AGBL1: variants seen among roughly 807,000 people sequenced by gnomAD.
AGBL1 encodes AGBL carboxypeptidase 1.
AGBL1 carries 130 observed loss-of-function variants against 118.9 expected under a neutral mutation model. The observed-to-expected ratio is 1.09, with a 90% CI of 0.95 to 1.26. AGBL1 has a LOEUF of 1.26. Ranked by LOEUF, AGBL1 falls within the 50% of genes most tolerant of loss-of-function variation. The pLI is 0.00. For synonymous variants in AGBL1, 555 were observed against 478.9 expected, an observed-to-expected ratio of 1.16 and a Z score of -2.08; for missense variants, 1,584 against 1,298.1, an observed-to-expected ratio of 1.22 and a Z score of -3.38.
chr15:86,486,192 C>T (rs2082710679), intron 18 of AGBL1, among the ~76,000 whole-genome samples: 1 of 152,052 alleles, frequency 6.6e-6, no homozygotes, highest in Non-Finnish European at 1.5e-5. Flanking sequence ...CAATGTTTGG[C>T]ACATGACAAA....
At chr15:86,354,961 G>A (rs2080689710) in intron 17 of AGBL1, among the ~76,000 whole-genome samples, 1 of 152,208 alleles carries the variant, frequency 6.6e-6, no homozygotes, top group African/African-American at 2.4e-5. Context: ...GGACTTTGAA[G>A]ATGGAGGCAG....
At chr15:86,846,779 G>A (rs1254758421) in intron 22 of AGBL1, among the ~76,000 whole-genome samples, 5 of 152,234 alleles carry the variant, frequency 3.3e-5, no homozygotes, top group East Asian at 1.9e-4. Context: ...TGATCCACCC[G>A]CCTCGGCCTC....
At chr15:86,302,515 G>A (rs2079765813) in intron 17 of AGBL1, among the ~76,000 whole-genome samples, 1 of 151,992 alleles carries the variant, frequency 6.6e-6, no homozygotes, top group Non-Finnish European at 1.5e-5. Context: ...GGTGGCTCAT[G>A]CCTGTAATCC....
At chr15:86,561,583 A>G (rs1390496511) in intron 21 of AGBL1, among the ~76,000 whole-genome samples, 1 of 152,170 alleles carries the variant, frequency 6.6e-6, no homozygotes, top group Admixed American at 6.5e-5. Flanking sequence ...GAAGTCAGGT[A>G]GTGTGATGCC....
intron 23 of AGBL1, among the ~76,000 whole-genome samples, chr15:86,941,043 C>A (rs564915832): frequency 5.9e-5 from 9 of 152,158 alleles, no homozygotes; most frequent in Non-Finnish European, 1.2e-4. Context: ...GTAACTTTGT[C>A]TTTTGGCAAA....
At chr15:86,652,939 C>T (rs945275395) in intron 21 of AGBL1, among the ~76,000 whole-genome samples, 2 of 152,118 alleles carry the variant, frequency 1.3e-5, no homozygotes, top group Non-Finnish European at 2.9e-5. Context: ...GGATGTTGCA[C>T]AATTTCTTGC....
At chr15:86,751,443 C>G (rs1174794543) in intron 22 of AGBL1, among the ~76,000 whole-genome samples, 1 of 152,080 alleles carries the variant, frequency 6.6e-6, no homozygotes, top group Non-Finnish European at 1.5e-5. Flanking sequence ...CAACCTAGGC[C>G]ATACCATTCA....
At chr15:86,796,225 A>T (rs1000456424) in intron 22 of AGBL1, among the ~76,000 whole-genome samples, 1 of 152,158 alleles carries the variant, frequency 6.6e-6, no homozygotes, top group African/African-American at 2.4e-5. Context: ...TCCACCTCAC[A>T]CTGGGAAAAG....
Position 86,583,589 on chromosome 15 carries a change from G to A in AGBL1, c.2994+29052G>A, listed in dbSNP as rs556500558. On this transcript the variant is annotated intron_variant, in intron 21 of 22. Coordinates refer to ENST00000614907, the MANE Select transcript of AGBL1 (RefSeq NM_001386094.1). ...TTTATCCAGTCCACTGCTGATGGGC[G>A]CTTAAGTTGATTCCATATCTTTTCT... Among the ~76,000 whole-genome samples, 37 of 152,148 alleles carry A rather than the reference G, an allele frequency of 2.4e-4. No homozygotes were observed. In the South Asian group the frequency reaches 2.9e-3, roughly 12 times the overall value.
At chr15:87,012,943 G>A (rs976084464) in intron 24 of AGBL1, among the ~76,000 whole-genome samples, 6 of 152,054 alleles carry the variant, frequency 3.9e-5, no homozygotes, top group African/African-American at 7.2e-5. Context: ...TGAATATTTT[G>A]TCTTTGACTT....
chr15:86,758,909 G>A (rs1596455858), intron 22 of AGBL1, among the ~76,000 whole-genome samples: 1 of 147,448 alleles, frequency 6.8e-6, no homozygotes, highest in Non-Finnish European at 1.5e-5. Context: ...GGAGGCAGAG[G>A]TTGCAGTAAG....
intron 22 of AGBL1, among the ~76,000 whole-genome samples, chr15:86,765,710 T>A (rs532546933): frequency 7.2e-5 from 11 of 151,928 alleles, no homozygotes; most frequent in African/African-American, 2.4e-4. Context: ...TTTTTAAAAA[T>A]TTTTAAAAAC....
chr15:86,896,068 T>C (rs2080121601), intron 22 of AGBL1, among the ~76,000 whole-genome samples: 1 of 152,158 alleles, frequency 6.6e-6, no homozygotes, highest in African/African-American at 2.4e-5. Context: ...TCTATTAAGC[T>C]TTTTGTTAAA....
At chr15:86,825,246 A>G (rs976593281) in intron 22 of AGBL1, among the ~76,000 whole-genome samples, 7 of 151,964 alleles carry the variant, frequency 4.6e-5, no homozygotes, top group Admixed American at 3.3e-4. Flanking sequence ...ACCTTATTCA[A>G]TAATTGGCTG....
At chr15:86,452,082 C>T (rs1318184796) in intron 18 of AGBL1, among the ~76,000 whole-genome samples, 3 of 152,074 alleles carry the variant, frequency 2.0e-5, no homozygotes, top group Non-Finnish European at 2.9e-5. Context: ...AGTAGCTTTG[C>T]CCGGACACAT....
chr15:86,552,064 T>A (rs909539393), intron 20 of AGBL1, among the ~76,000 whole-genome samples: 5 of 152,136 alleles, frequency 3.3e-5, no homozygotes, highest in Non-Finnish European at 4.4e-5. Flanking sequence ...TGAGTACACA[T>A]CATTATACAT....
chr15:86,183,839 A>G (rs1338238063), intron 5 of AGBL1, among the ~76,000 whole-genome samples: 1 of 152,180 alleles, frequency 6.6e-6, no homozygotes, highest in Non-Finnish European at 1.5e-5. Context: ...TAATTAAACT[A>G]CAGAACTAAA....
chr15:86,351,352 C>T (rs567486843), intron 17 of AGBL1, among the ~76,000 whole-genome samples: 2 of 152,050 alleles, frequency 1.3e-5, no homozygotes, highest in African/African-American at 2.4e-5. Context: ...TGAATGTCCC[C>T]CCTGTTAATA....
intron 5 of AGBL1, among the ~76,000 whole-genome samples, chr15:86,169,292 G>A (rs915302135): frequency 7.2e-5 from 11 of 152,208 alleles, no homozygotes; most frequent in African/African-American, 2.4e-4. Flanking sequence ...ATATGCAAGC[G>A]TACTTATAGG....
Sources: allele counts gnomAD v4.1 joint callset (sites outside exome capture counted in the v4.1 genomes callset), GRCh38; gene constraint gnomAD v4.1.1; transcripts MANE v1.5; gene names NCBI Gene and HGNC (gene_info 2026-07-23, HGNC 2026-07-21).